The following SPTBN2 variants were observed in gnomAD, a reference collection of about 807,000 sequenced individuals.
SPTBN2 encodes spectrin beta, non-erythrocytic 2.
In SPTBN2, 107 loss-of-function variants were observed where a neutral mutation model predicts 284.2. The observed-to-expected ratio is 0.38, with a 90% CI of 0.32 to 0.44. The LOEUF is 0.44. Among genes scored for constraint, SPTBN2 ranks in the 20% least tolerant of loss-of-function variants. SPTBN2 has a pLI of 1.00. For missense variants in SPTBN2, 2,569 were observed against 3,287.1 expected (o/e 0.78, Z 5.34); for synonymous variants, 1,289 against 1,354.8 (o/e 0.95, Z 1.07).
At chr11:66,727,747 G>A (rs1942672457) in intron 1 of SPTBN2, among the ~76,000 whole-genome samples, 1 of 151,892 alleles carries the variant, frequency 6.6e-6, no homozygotes, top group South Asian at 2.1e-4. Flanking sequence ...GGAGGAGGGA[G>A]CCCGGCTCCC....
chr11:66,700,811 G>A lies in SPTBN2; in HGVS notation c.3288C>T (p.Thr1096=). The change falls in exon 17 of 38, where the codon ACC becomes ACT. Residue 1096 remains threonine, a synonymous_variant. Coordinates refer to ENST00000533211, the MANE Select transcript of SPTBN2 (RefSeq NM_006946.4). This position sits in a 1 kb window ranked among gnomAD's most constrained non-coding sequence, Gnocchi z 6.6. ...TAVASEEGPA[T]LPEAEALLAQ... ...CCAGGAGGGCCTCTGCCTCAGGCAG[G>A]GTGGCCGGCCCTTCTTCAGAGGCCA... The A allele has an allele frequency of 1.2e-6, 2 of 1,600,670 alleles. No individual in the cohort carries two copies. Among genetic ancestry groups the A allele is most frequent in the Non-Finnish European group, 1.7e-6 (2 of 1,179,746 alleles).
upstream of SPTBN2, among the ~76,000 whole-genome samples, chr11:66,732,048 A>AT (rs1565165828): frequency 1.3e-5 from 2 of 152,252 alleles, no homozygotes; most frequent in African/African-American, 4.8e-5. Flanking sequence ...TATGAGAAGC[A>AT]TTAACCAGAC....
intron 8 of SPTBN2, among the ~76,000 whole-genome samples, chr11:66,711,916 C>T (rs1364180913): frequency 6.6e-6 from 1 of 152,204 alleles, no homozygotes; most frequent in African/African-American, 2.4e-5. Flanking sequence ...GATAGGGCTA[C>T]AGGTAGAATG....
Position 66,685,699 on chromosome 11 carries a change from G to A in SPTBN2, c.*172C>T. The A allele has an allele frequency of 4.5e-6, 3 of 661,124 alleles. No individual in the cohort carries two copies. The highest frequency in any genetic ancestry group is 5.4e-6 in the Non-Finnish European group (2 of 371,682). The allele number at this position is 661,124 out of a possible 1,614,324, so 41.0% of individuals were successfully genotyped here. A position where few individuals can be genotyped will look rare whatever the true frequency, so the allele number is the denominator to read the frequency against. ...TGGAATTAAACAGCAGAAGAGAAGGGCTGCCCTTGGGAACATGGACTCGTC... is the reference window on the plus strand; with the variant it reads ...TGGAATTAAACAGCAGAAGAGAAGGACTGCCCTTGGGAACATGGACTCGTC... On this transcript the variant is annotated 3_prime_UTR_variant, in exon 38 of 38. Transcript: ENST00000533211. The surrounding 1 kb of genome is among the most constrained non-coding windows in gnomAD (Gnocchi z 4.4).
In SPTBN2 at chr11:66,687,588, C is replaced by T. The variant is rs770103466; in HGVS notation, c.6561G>A (p.Arg2187=). The part of the protein sequence containing the change: ...GPRGERQTRT[R]GPAPSAMPQS... The stretch of plus-strand genomic sequence containing the variant: ...GGGGCATTGCAGATGGGGCCGGGCC[C>T]CGAGTCCGGGTCTGCCTCTCTCCCC... Residue 2187 remains arginine (R), a synonymous_variant, in exon 35 of 38, where the codon CGG becomes CGA. Coordinates refer to ENST00000533211, the MANE Select transcript of SPTBN2 (RefSeq NM_006946.4). The surrounding 1 kb of genome is among the most constrained non-coding windows in gnomAD (Gnocchi z 5.2). 5 of 1,610,406 alleles carry T rather than the reference C, an allele frequency of 3.1e-6. No individual in the cohort carries two copies. In the South Asian group the frequency reaches 3.3e-5, roughly 11 times the overall value.
Position 66,715,197 on chromosome 11 carries a change from CCT to C in SPTBN2, c.483+23_483+24del. 3.1e-6 allele frequency: 5 copies of C among 1,614,054 alleles called. No individual in the cohort carries two copies. The highest frequency in any genetic ancestry group is 4.2e-6 in the Non-Finnish European group (5 of 1,179,952). ...TGCAGAGCCAGGGCAGGAACCACAC[CCT>C]GTGTGACAGTGTGCTGGGGTACCTG... On this transcript the variant is annotated intron_variant, in intron 5 of 37. Coordinates refer to ENST00000533211, the MANE Select transcript of SPTBN2 (RefSeq NM_006946.4). This position sits in a 1 kb window ranked among gnomAD's most constrained non-coding sequence, Gnocchi z 5.3.
In SPTBN2 at chr11:66,693,896, A is replaced by T. The variant is rs1174424220; in HGVS notation, c.4504-35T>A. ...GAAGAGGGGGTCAGTGGAGGCCCAG[A>T]GGGCAAGGCAAGCAGCAGGGACTGA... On this transcript the variant is annotated intron_variant, in intron 22 of 37. Transcript: ENST00000533211. The surrounding 1 kb of genome is among the most constrained non-coding windows in gnomAD (Gnocchi z 5.7). The T allele has an allele frequency of 6.3e-7, 1 of 1,598,642 alleles. No homozygotes were observed.
At chr11:66,716,265 CA>C (rs1167806761) in intron 3 of SPTBN2, among the ~76,000 whole-genome samples, 2 of 152,164 alleles carry the variant, frequency 1.3e-5, no homozygotes. Flanking sequence ...GGGCGGATCA[CA>C]AGGTCAGGAG....
chr11:66,697,174 T>C (rs1037445989), intron 20 of SPTBN2, among the ~76,000 whole-genome samples: 1 of 152,106 alleles, frequency 6.6e-6, no homozygotes, highest in Non-Finnish European at 1.5e-5. Context: ...CCCATGAGGG[T>C]TGGGCTCCTG....
intron 5 of SPTBN2, 120 bp from the exon 6 acceptor site, chr11:66,714,527 T>C: frequency 3.5e-6 from 3 of 866,142 alleles, no homozygotes; most frequent in East Asian, 5.2e-5. Flanking sequence ...TGGACAGGCA[T>C]AGCCTGAGGT....
rs1941824504 is a variant in SPTBN2, at chr11:66,710,886, G to A, written c.885+31C>T. 2 of 1,612,554 alleles carry A rather than the reference G, an allele frequency of 1.2e-6. No individual in the cohort carries two copies. The highest frequency in any genetic ancestry group is 1.7e-6 in the Non-Finnish European group (2 of 1,178,596). On this transcript the variant is annotated intron_variant, in intron 9 of 37. Transcript: ENST00000533211. This position sits in a 1 kb window ranked among gnomAD's most constrained non-coding sequence, Gnocchi z 4.9. Reference sequence around the variant, plus strand: ...AAGACCCCTCAGCCGGGCCTCCTCTGGCCTTTATGCCTACTGCCCATGGAC... The same window carrying A: ...AAGACCCCTCAGCCGGGCCTCCTCTAGCCTTTATGCCTACTGCCCATGGAC...
In SPTBN2 at chr11:66,704,550, C is replaced by A. The variant is rs756730043; in HGVS notation, c.2678+48G>T. On this transcript the variant is annotated intron_variant, in intron 15 of 37. Transcript: ENST00000533211. ...CTCACCACCCACATCCTGGCCCCCC[C>A]ACCCCCACCTCCCAAGGCTGGTCCC... 8.2e-6 allele frequency: 13 copies of A among 1,579,768 alleles called. 1 individual carries two copies. Among genetic ancestry groups the A allele is most frequent in the African/African-American group, 4.1e-5 (3 of 74,068 alleles).
upstream of SPTBN2, among the ~76,000 whole-genome samples, chr11:66,732,981 C>CAAAAAAAAAAA (rs57325257): frequency 8.4e-6 from 1 of 118,822 alleles, no homozygotes; most frequent in Non-Finnish European, 1.8e-5. Flanking sequence ...ACCAACCAAC[C>CAAAAAAAAAAA]AAAAAAAAAA....
intron 36 of SPTBN2, chr11:66,686,679 C>T: frequency 1.6e-6 from 1 of 633,166 alleles, no homozygotes. Flanking sequence ...GCCTCCTGCT[C>T]CGGCTGCTTG....
At chr11:66,706,325 CACTT>C (rs1941556211) in intron 13 of SPTBN2, among the ~76,000 whole-genome samples, 1 of 152,184 alleles carries the variant, frequency 6.6e-6, no homozygotes, top group Admixed American at 6.5e-5. Flanking sequence ...ACCTTCTAAT[CACTT>C]TATTTATTTA....
chr11:66,722,479 G>A (rs1942459250), intron 1 of SPTBN2, among the ~76,000 whole-genome samples: 1 of 150,976 alleles, frequency 6.6e-6, no homozygotes, highest in South Asian at 2.1e-4. Flanking sequence ...GGGAGGCTGA[G>A]GCAGGAGAAT....
At chr11:66,723,240 T>C (rs986948110) in intron 1 of SPTBN2, among the ~76,000 whole-genome samples, 4 of 151,084 alleles carry the variant, frequency 2.6e-5, no homozygotes, top group African/African-American at 9.7e-5. Context: ...AAAGTTCTTG[T>C]GTAATTTAGC....
upstream of SPTBN2, among the ~76,000 whole-genome samples, chr11:66,729,558 A>G (rs1942763742): frequency 6.6e-6 from 1 of 152,210 alleles, no homozygotes; most frequent in South Asian, 2.1e-4. Context: ...AAAGGTATGC[A>G]TACTGAAACA....
In SPTBN2 at chr11:66,699,016, C is replaced by T. The variant is rs1273161867; in HGVS notation, c.3843G>A (p.Gln1281=). The change falls in exon 19 of 38, where the codon CAG becomes CAA. Residue 1281 remains glutamine (Q), a synonymous_variant. Transcript: ENST00000533211. ...CCTCGTGACAATCTTGCAGGAAATGCTGCTGCTCCCGGTTGTCCCGAAGAC... is the reference window on the plus strand; with the variant it reads ...CCTCGTGACAATCTTGCAGGAAATGTTGCTGCTCCCGGTTGTCCCGAAGAC... ...LGRLRDNREQ[Q]HFLQDCHELK... The T allele has an allele frequency of 3.1e-6, 5 of 1,614,216 alleles. No homozygotes were observed. In the Admixed American group the frequency reaches 8.3e-5, roughly 27 times the overall value.
Sources: allele counts gnomAD v4.1 joint callset (sites outside exome capture counted in the v4.1 genomes callset), GRCh38; gene constraint gnomAD v4.1.1; non-coding constraint Gnocchi (gnomAD v3.1); transcripts MANE v1.5; gene names NCBI Gene and HGNC (gene_info 2026-07-23, HGNC 2026-07-21).